ITGA9: variants seen among roughly 807,000 people sequenced by gnomAD.
ITGA9 encodes integrin alpha-9.
Under a neutral mutation model 127.8 loss-of-function variants are expected in ITGA9, and 56 were observed. The ratio of observed to expected loss-of-function variants is 0.44; its 90% CI spans 0.35 to 0.55. ITGA9 has a LOEUF of 0.55. Among genes scored for constraint, ITGA9 ranks in the 20% least tolerant of loss-of-function variants. The pLI is 0.00. For synonymous variants in ITGA9, 508 were observed against 514.5 expected (o/e 0.99, Z 0.17); for missense variants, 1,196 against 1,347.1 (o/e 0.89, Z 1.76).
intron 18 of ITGA9, among the ~76,000 whole-genome samples, chr3:37,687,983 G>A (rs1215022043): frequency 1.3e-5 from 2 of 152,248 alleles, no homozygotes; most frequent in African/African-American, 4.8e-5. Context: ...AAGAGACTGT[G>A]TGTAACAAAC....
At chr3:37,676,160 C>G (rs147873417) in intron 17 of ITGA9, among the ~76,000 whole-genome samples, 6 of 152,096 alleles carry the variant, frequency 3.9e-5, no homozygotes, top group Admixed American at 6.5e-5. Flanking sequence ...CATATTATAT[C>G]GTAAGTAAAG....
chr3:37,522,623 T>C (rs1699055224), intron 11 of ITGA9, among the ~76,000 whole-genome samples: 1 of 151,714 alleles, frequency 6.6e-6, no homozygotes, highest in African/African-American at 2.4e-5. Flanking sequence ...CTTGGGAGGC[T>C]AAGGCGGGAG....
intron 17 of ITGA9, among the ~76,000 whole-genome samples, chr3:37,680,301 G>A (rs1359750171): frequency 6.6e-6 from 1 of 152,164 alleles, no homozygotes; most frequent in East Asian, 1.9e-4. Context: ...TGGAAGCAGA[G>A]ATGTGCTGTT....
chr3:37,591,943 C>G (rs1224982028), intron 15 of ITGA9, among the ~76,000 whole-genome samples: 1 of 152,150 alleles, frequency 6.6e-6, no homozygotes, highest in Non-Finnish European at 1.5e-5. Context: ...ATTTGCCTGC[C>G]TGGGGTTTTA....
chr3:37,526,164 C>G, intron 13 of ITGA9, 93 bp downstream of exon 13: 1 of 1,094,854 alleles, frequency 9.1e-7, no homozygotes, highest in Non-Finnish European at 1.4e-6. Context: ...CTGTCCTGTT[C>G]CTTGTAGGCT....
chr3:37,794,051 G>A (rs1365484378), intron 26 of ITGA9, among the ~76,000 whole-genome samples: 5 of 152,202 alleles, frequency 3.3e-5, no homozygotes, highest in Admixed American at 2.0e-4. Flanking sequence ...CTCAGTGTGC[G>A]TGTCCATGTC....
At chr3:37,495,686 C>CT (rs1281950971) in intron 5 of ITGA9, among the ~76,000 whole-genome samples, 5 of 152,096 alleles carry the variant, frequency 3.3e-5, no homozygotes, top group African/African-American at 4.8e-5. Flanking sequence ...GTCTATTATG[C>CT]TTTTTTAAAA....
chr3:37,524,397 C>T (rs758295626), intron 12 of ITGA9, among the ~76,000 whole-genome samples: 9 of 152,158 alleles, frequency 5.9e-5, no homozygotes, highest in Admixed American at 2.0e-4. Context: ...AGAAAACTAA[C>T]GCAGTCTTGT....
intron 15 of ITGA9, among the ~76,000 whole-genome samples, chr3:37,575,824 C>T (rs1015482512): frequency 1.3e-5 from 2 of 152,170 alleles, no homozygotes; most frequent in African/African-American, 4.8e-5. Context: ...GGGCTACCTG[C>T]AAAATGCTTT....
At chr3:37,551,197 A>G (rs2125594844) in intron 15 of ITGA9, among the ~76,000 whole-genome samples, 1 of 152,308 alleles carries the variant, frequency 6.6e-6, no homozygotes, top group South Asian at 2.1e-4. Context: ...TTTCCATTTA[A>G]AACAATGGAA....
intron 16 of ITGA9, among the ~76,000 whole-genome samples, chr3:37,641,443 A>C (rs1233968580): frequency 6.6e-6 from 1 of 152,104 alleles, no homozygotes; most frequent in African/African-American, 2.4e-5. Flanking sequence ...CTCACGTGTC[A>C]GGCCCAAAGA....
intron 1 of ITGA9, among the ~76,000 whole-genome samples, chr3:37,460,343 AAAGAATGAGT>A (rs763729572): frequency 3.9e-5 from 6 of 152,234 alleles, no homozygotes; most frequent in Non-Finnish European, 7.3e-5. Context: ...AAAAAATTAG[AAAGAATGAGT>A]AAGAATGAGT....
At chr3:37,780,087 T>C in intron 25 of ITGA9, 66 bp downstream of exon 25, 1 of 1,598,816 alleles carries the variant, frequency 6.3e-7, no homozygotes, top group Non-Finnish European at 8.6e-7. Context: ...CATCTGATTT[T>C]GGGTAAAAAA....
intron 15 of ITGA9, among the ~76,000 whole-genome samples, chr3:37,554,585 A>G (rs1452028675): frequency 6.6e-6 from 1 of 152,032 alleles, no homozygotes; most frequent in Non-Finnish European, 1.5e-5. Flanking sequence ...AGCAGCAGGA[A>G]CGGGGTTAGG....
At chr3:37,763,655 A>C (rs1270984086) in intron 23 of ITGA9, among the ~76,000 whole-genome samples, 22 of 152,216 alleles carry the variant, frequency 1.4e-4, no homozygotes, top group Admixed American at 1.4e-3. Context: ...CTATGCTTAG[A>C]GGATAATTGC....
At chr3:37,694,885 T>G (rs994220774) in intron 18 of ITGA9, among the ~76,000 whole-genome samples, 1 of 152,204 alleles carries the variant, frequency 6.6e-6, no homozygotes, top group Admixed American at 6.5e-5. Context: ...AACTTCAGTG[T>G]CCTAGTCTGG....
intron 26 of ITGA9, among the ~76,000 whole-genome samples, chr3:37,798,749 T>C (rs147460757): frequency 2.6e-4 from 40 of 152,370 alleles, no homozygotes; most frequent in Admixed American, 1.4e-3. Context: ...TTGTATTTGA[T>C]TTAGTAATCT....
At chr3:37,803,412 C>T (rs1018233197) in intron 26 of ITGA9, among the ~76,000 whole-genome samples, 5 of 152,200 alleles carry the variant, frequency 3.3e-5, no homozygotes, top group Admixed American at 3.3e-4. Flanking sequence ...TTAGTAACAA[C>T]AGTCTGGATA....
chr3:37,603,978 C>T (rs552636636), intron 15 of ITGA9, among the ~76,000 whole-genome samples: 5 of 152,338 alleles, frequency 3.3e-5, no homozygotes, highest in Admixed American at 2.0e-4. Flanking sequence ...GTCCTAACTG[C>T]TCAAGTCTTT....
Sources: allele counts gnomAD v4.1 joint callset (sites outside exome capture counted in the v4.1 genomes callset), GRCh38; gene constraint gnomAD v4.1.1; transcripts MANE v1.5; gene names NCBI Gene and HGNC (gene_info 2026-07-23, HGNC 2026-07-21).